DRC8: variants seen among roughly 807,000 people sequenced by gnomAD.
The protein encoded by DRC8 is dynein regulatory complex protein 8.
At chr1:245,104,743 C>T in the DRC8 span, among the ~76,000 whole-genome samples, 1 of 152,158 alleles carries the variant, frequency 6.6e-6, no homozygotes, top group African/African-American at 2.4e-5. Flanking sequence ...ACCTCCTTCC[C>T]CTTTTCCCCA....
chr1:245,078,638 CAG>C, the DRC8 span, among the ~76,000 whole-genome samples: 2 of 151,730 alleles, frequency 1.3e-5, no homozygotes, highest in Non-Finnish European at 2.9e-5. Flanking sequence ...CTCATGGAAA[CAG>C]AGAGTAGATG....
chr1:245,066,735 A>G, the DRC8 span, among the ~76,000 whole-genome samples: 1 of 152,080 alleles, frequency 6.6e-6, no homozygotes, highest in Non-Finnish European at 1.5e-5. Context: ...GTGAAACCCC[A>G]TCTCTACTAA....
the DRC8 span, among the ~76,000 whole-genome samples, chr1:245,057,567 A>G: frequency 6.6e-6 from 1 of 151,938 alleles, no homozygotes; most frequent in Non-Finnish European, 1.5e-5. Context: ...AGCCAGATGT[A>G]GTTGGTGGCT....
At chr1:245,097,476 C>T in the DRC8 span, among the ~76,000 whole-genome samples, 2 of 151,726 alleles carry the variant, frequency 1.3e-5, no homozygotes, top group Admixed American at 6.6e-5. This position sits in a 1 kb window ranked among gnomAD's most constrained non-coding sequence, Gnocchi z 5.0. Flanking sequence ...TGAGATTATG[C>T]CACTGTACTC....
chr1:245,017,031 A>T, the DRC8 span, among the ~76,000 whole-genome samples: 1 of 152,208 alleles, frequency 6.6e-6, no homozygotes, highest in Non-Finnish European at 1.5e-5. Flanking sequence ...CACCTTTACC[A>T]TATGTATATT....
At chr1:245,083,484 G>A in the DRC8 span, 1 of 1,613,196 alleles carries the variant, frequency 6.2e-7, no homozygotes, top group Non-Finnish European at 8.5e-7. Context: ...GAGCTTTTGA[G>A]GTATGTAAAC....
At chr1:245,020,865 G>C in the DRC8 span, among the ~76,000 whole-genome samples, 1 of 151,298 alleles carries the variant, frequency 6.6e-6, no homozygotes, top group South Asian at 2.1e-4. Context: ...CCTGGCCTCA[G>C]GTGATCCACC....
the DRC8 span, among the ~76,000 whole-genome samples, chr1:245,012,480 A>G: frequency 7.2e-6 from 1 of 139,702 alleles, no homozygotes; most frequent in African/African-American, 3.4e-5. Flanking sequence ...ATATAAAATA[A>G]TCAACTGAAA....
At chr1:245,000,648 G>A in the DRC8 span, among the ~76,000 whole-genome samples, 1 of 152,080 alleles carries the variant, frequency 6.6e-6, no homozygotes, top group Non-Finnish European at 1.5e-5. Context: ...GGGCATGGTT[G>A]CAGGTGTCTA....
At chr1:245,020,611 T>G in the DRC8 span, among the ~76,000 whole-genome samples, 1 of 137,496 alleles carries the variant, frequency 7.3e-6, no homozygotes. Context: ...GAGTTTTTCT[T>G]TCTTTTTTTT....
the DRC8 span, among the ~76,000 whole-genome samples, chr1:245,067,120 T>TTTATTTAC: frequency 6.6e-6 from 1 of 152,128 alleles, no homozygotes; most frequent in Non-Finnish European, 1.5e-5. Flanking sequence ...TGCAATGGCA[T>TTTATTTAC]TTATTTACTT....
chr1:245,069,127 G>A, the DRC8 span, among the ~76,000 whole-genome samples: 2 of 152,036 alleles, frequency 1.3e-5, no homozygotes, highest in African/African-American at 2.4e-5. Flanking sequence ...TCAAGGCACC[G>A]ACCCCCGTGC....
chr1:245,113,186 T>A, the DRC8 span, among the ~76,000 whole-genome samples: 1 of 152,208 alleles, frequency 6.6e-6, no homozygotes, highest in Non-Finnish European at 1.5e-5. Context: ...TCCTATAAAG[T>A]TTCCCCCCTA....
the DRC8 span, chr1:245,087,914 C>T: frequency 5.9e-6 from 3 of 507,730 alleles, no homozygotes; most frequent in East Asian, 4.4e-4. Context: ...ATTTGCTGAT[C>T]CAGCATGTCA....
the DRC8 span, among the ~76,000 whole-genome samples, chr1:245,098,841 T>C: frequency 0.99 from 150,431 of 152,370 alleles, 74,282 homozygotes; most frequent in Middle Eastern, 1. Context: ...ACTGCAGAAC[T>C]GAACGGAGTT....
chr1:244,970,866 T>C, the DRC8 span: 1 of 236,634 alleles, frequency 4.2e-6, no homozygotes, highest in Non-Finnish European at 8.2e-6. Flanking sequence ...AATGGCGTCG[T>C]TGTTCACGGT....
At chr1:245,042,828 T>TA in the DRC8 span, among the ~76,000 whole-genome samples, 1 of 152,174 alleles carries the variant, frequency 6.6e-6, no homozygotes, top group Non-Finnish European at 1.5e-5. Context: ...AGTCACAGCC[T>TA]AGCTCAATGG....
chr1:245,072,017 A>G, the DRC8 span, among the ~76,000 whole-genome samples: 12 of 152,326 alleles, frequency 7.9e-5, no homozygotes, highest in South Asian at 8.3e-4. Context: ...ACAGTGCAGC[A>G]CTCTCTTAGA....
chr1:244,973,304 C>T, the DRC8 span, among the ~76,000 whole-genome samples: 8 of 152,168 alleles, frequency 5.3e-5, no homozygotes, highest in Admixed American at 1.3e-4. Context: ...ATTTGATGAC[C>T]GTGGAATCAC....
Sources: gnomAD v4.1 joint callset for allele counts (sites outside exome capture counted in the v4.1 genomes callset) on GRCh38, gnomAD v4.1.1 for gene constraint, Gnocchi (gnomAD v3.1) non-coding constraint, MANE v1.5 for transcripts, NCBI Gene and HGNC (gene_info 2026-07-23, HGNC 2026-07-21) for gene names.